Variants in PHF8 observed in about 807,000 individuals in gnomAD.
PHF8 encodes the protein PHD finger protein 8.
A neutral mutation model predicts 74.4 loss-of-function variants in PHF8; 9 were observed. The ratio of observed to expected loss-of-function variants is 0.12; its 90% CI spans 0.07 to 0.21. The LOEUF is 0.21. PHF8 is among the 10% of genes least tolerant of loss of function. PHF8 has a pLI of 1.00. For synonymous variants in PHF8, 311 were observed against 316.6 expected, an observed-to-expected ratio of 0.98 and a Z score of 0.19; for missense variants, 478 against 816.6, an observed-to-expected ratio of 0.59 and a Z score of 5.05.
intron 2 of PHF8, among the ~76,000 whole-genome samples, chrX:54,032,509 C>T (rs1484347101): frequency 9.0e-6 from 1 of 110,651 alleles, no homozygotes; most frequent in African/African-American, 3.3e-5. Flanking sequence ...AGCATGGTTC[C>T]CTTCCTCGCT....
rs781833248 is a variant in PHF8, at chrX:54,009,572, C to T, written c.946+1550G>A. 1.8e-3 allele frequency among the ~76,000 whole-genome samples: 199 copies of T among 109,294 alleles called. 2 individuals carry two copies. Among genetic ancestry groups the T allele is most frequent in the Middle Eastern group, 9.5e-3 (2 of 211 alleles). 94.9% of individuals were successfully genotyped at this position (109,294 alleles called of 115,157 possible). ...AATAAAACCAAAAGTGGGCCGGGTG[C>T]GGTGGCTCACCCCTGTAATCCCAGC... On this transcript the variant is annotated intron_variant, in intron 8 of 21. Coordinates refer to ENST00000338154, the MANE Select transcript of PHF8 (RefSeq NM_015107.3).
intron 2 of PHF8, among the ~76,000 whole-genome samples, chrX:54,031,614 C>T (rs1198491504): frequency 9.1e-6 from 1 of 110,025 alleles, no homozygotes; most frequent in Admixed American, 9.7e-5. Context: ...ACAAAAAACC[C>T]TTTTGTGATC....
intron 18 of PHF8, among the ~76,000 whole-genome samples, chrX:53,963,983 C>T (rs1485161691): frequency 8.9e-6 from 1 of 112,000 alleles, no homozygotes; most frequent in Non-Finnish European, 1.9e-5. Flanking sequence ...TTGGAACCAA[C>T]CCAAATGCCC....
In PHF8 at chrX:54,011,296, A is replaced by C. The variant is rs782143915; in HGVS notation, c.784-12T>G. ...AAGATCTTTTCACCCTGAAACAAAA[A>C]GAGGTTGAAGTGACAAAAATACCAA... On this transcript the variant is annotated splice_polypyrimidine_tract_variant and intron_variant, in intron 7 of 21. Transcript: ENST00000338154. The C allele has an allele frequency of 2.5e-6, 3 of 1,200,446 alleles. No homozygotes were observed. The highest frequency in any genetic ancestry group is 3.5e-5 in the South Asian group (2 of 56,596).
chrX:54,041,057 CA>C (rs1179656269), intron 2 of PHF8, among the ~76,000 whole-genome samples: 1 of 111,636 alleles, frequency 9.0e-6, no homozygotes, highest in East Asian at 2.8e-4. Flanking sequence ...GCAGCACCAG[CA>C]CCTATAGTTT....
chrX:54,002,198 G>T lies in PHF8; in HGVS notation c.1098C>A (p.Thr366=), dbSNP rs781988558. Residue 366 remains threonine, a synonymous_variant, in exon 10 of 22, where the codon ACC becomes ACA. Coordinates refer to ENST00000338154, the MANE Select transcript of PHF8 (RefSeq NM_015107.3). The part of the protein sequence containing the change: ...ADLFRFPNFE[T]ICWYVGKHIL... ...TGTGCTTTCCCACATACCAACAGAT[G>T]GTCTCAAAGTTGGGGAATCTGAAGA... 1.1e-5 allele frequency: 13 copies of T among 1,200,372 alleles called. No individual in the cohort carries two copies. The highest frequency in any genetic ancestry group is 1.8e-5 in the African/African-American group (1 of 56,662).
intron 18 of PHF8, among the ~76,000 whole-genome samples, chrX:53,972,193 C>T (rs782392431): frequency 1.3e-4 from 14 of 108,847 alleles, no homozygotes; most frequent in Admixed American, 7.9e-4. Flanking sequence ...CATAGTGGTA[C>T]GCATCTGTAG....
rs1394762058 is a variant in PHF8, at chrX:54,016,164, C to A, written c.596+431G>T. Among the ~76,000 whole-genome samples the A allele has an allele frequency of 2.7e-5, 3 of 111,647 alleles. No individual in the cohort carries two copies. The South Asian group carries it at 1.1e-3, about 42-fold the overall frequency. On this transcript the variant is annotated intron_variant, in intron 6 of 21. Coordinates refer to ENST00000338154, the MANE Select transcript of PHF8 (RefSeq NM_015107.3). The stretch of plus-strand genomic sequence containing the variant: ...CTACCCTAGAAAATATAACCCAGCT[C>A]GCCATCCCAAAGGAAGAAACCACCA...
chrX:53,956,791 G>C (rs1187431556), intron 19 of PHF8, among the ~76,000 whole-genome samples: 2 of 110,322 alleles, frequency 1.8e-5, no homozygotes, highest in African/African-American at 6.6e-5. Context: ...AGTGGGCAAA[G>C]GATGTAAACA....
chrX:54,021,950 A>G (rs1557110057), intron 4 of PHF8, among the ~76,000 whole-genome samples: 1 of 111,604 alleles, frequency 9.0e-6, no homozygotes, highest in Non-Finnish European at 1.9e-5. Flanking sequence ...GAGATATATG[A>G]CCAATAATTT....
chrX:53,952,540 G>A (rs782670881), intron 19 of PHF8, among the ~76,000 whole-genome samples: 2 of 111,933 alleles, frequency 1.8e-5, no homozygotes, highest in East Asian at 5.6e-4. Flanking sequence ...GCATAAAAGA[G>A]AAGGGTAATG....
intron 7 of PHF8, among the ~76,000 whole-genome samples, chrX:54,011,862 CAA>C (rs11397654): frequency 7.5e-5 from 3 of 40,038 alleles, no homozygotes; most frequent in Admixed American, 3.2e-4. Context: ...GATAATTTGG[CAA>C]AAAAAAAAAA....
intron 7 of PHF8, among the ~76,000 whole-genome samples, chrX:54,011,862 C>CAAAAAAAAAAAAAAAA (rs11397654): frequency 5.0e-5 from 2 of 40,065 alleles, no homozygotes; most frequent in Non-Finnish European, 1.1e-4. Flanking sequence ...GATAATTTGG[C>CAAAAAAAAAAAAAAAA]AAAAAAAAAA....
intron 18 of PHF8, among the ~76,000 whole-genome samples, chrX:53,981,381 A>C (rs1175421944): frequency 8.9e-6 from 1 of 112,415 alleles, no homozygotes; most frequent in African/African-American, 3.2e-5. Context: ...CATACAGACA[A>C]AAATTAAAAA....
At chrX:53,965,562 C>A (rs1293509950) in intron 18 of PHF8, among the ~76,000 whole-genome samples, 1 of 111,975 alleles carries the variant, frequency 8.9e-6, no homozygotes, top group African/African-American at 3.2e-5. Flanking sequence ...TTGCTTGAAC[C>A]CGGGAGGTGG....
intron 12 of PHF8, chrX:53,995,295 C>T: frequency 3.0e-6 from 1 of 336,923 alleles, no homozygotes; most frequent in Admixed American, 3.2e-5. Context: ...CACGACCCAC[C>T]GTCAGAATTT....
chrX:53,970,133 T>C (rs188077438), intron 18 of PHF8, among the ~76,000 whole-genome samples: 61 of 111,600 alleles, frequency 5.5e-4, no homozygotes, highest in African/African-American at 1.9e-3. Context: ...CAAATATAAT[T>C]ACATTAAGCC....
chrX:54,043,950 G>A lies in PHF8; in HGVS notation c.-281C>T, dbSNP rs2066606679. ...CTCCGGGACTGCGAAGCGCCTCAGC[G>A]GAGGCTCGTCCGGTAGTTCCGGCCC... On this transcript the variant is annotated 5_prime_UTR_variant, in exon 1 of 22. Transcript: ENST00000338154. 2.6e-6 allele frequency: 2 copies of A among 755,070 alleles called. No individual in the cohort carries two copies. Among genetic ancestry groups the A allele is most frequent in the South Asian group, 6.7e-5 (1 of 14,933 alleles). 62.2% of individuals were successfully genotyped at this position (755,070 alleles called of 1,213,427 possible).
intron 12 of PHF8, chrX:53,995,189 T>C: frequency 2.9e-6 from 1 of 342,307 alleles, no homozygotes; most frequent in South Asian, 2.6e-5. Context: ...TTTGTAATCA[T>C]CTTCACCCCG....
Sources: allele counts gnomAD v4.1 joint callset (sites outside exome capture counted in the v4.1 genomes callset), GRCh38; gene constraint gnomAD v4.1.1; transcripts MANE v1.5; gene names NCBI Gene and HGNC (gene_info 2026-07-23, HGNC 2026-07-21).